The following IL1RAPL2 variants were observed in gnomAD, a reference collection of about 807,000 sequenced individuals.
IL1RAPL2 encodes interleukin 1 receptor accessory protein like 2.
A neutral mutation model predicts 44.1 loss-of-function variants in IL1RAPL2; 3 were observed. The ratio of observed to expected loss-of-function variants is 0.07; its 90% CI spans 0.03 to 0.18. The LOEUF (loss-of-function observed/expected upper bound fraction) is 0.18. Ranked by LOEUF, IL1RAPL2 falls within the 10% of genes least tolerant of loss-of-function variation. The pLI is 1.00. For missense variants in IL1RAPL2, 391 were observed against 496.4 expected (o/e 0.79, Z 2.02); for synonymous variants, 181 against 178.8 (o/e 1.01, Z -0.10).
Position 104,930,264 on chromosome X carries a change from A to C in IL1RAPL2, c.83-265211A>C, listed in dbSNP as rs149429914. Reference sequence around the variant, plus strand: ...CATTGAAGAAAAAATAGTACTGATAATTTTATGGAATTAATTTAATATTTA... The same window carrying C: ...CATTGAAGAAAAAATAGTACTGATACTTTTATGGAATTAATTTAATATTTA... On this transcript the variant is annotated intron_variant, in intron 2 of 10. Transcript: ENST00000372582. 6.3e-3 allele frequency among the ~76,000 whole-genome samples: 706 copies of C among 112,099 alleles called. 3 individuals are homozygous for C. The highest frequency in any genetic ancestry group is 0.022 in the African/African-American group (671 of 30,893).
At chrX:104,657,884 C>T (rs1197790153) in intron 1 of IL1RAPL2, among the ~76,000 whole-genome samples, 2 of 112,194 alleles carry the variant, frequency 1.8e-5, no homozygotes, top group African/African-American at 6.5e-5. Context: ...CATCACTGGT[C>T]ATCAGAGAAA....
chrX:104,646,850 A>G (rs1455474991), intron 1 of IL1RAPL2, among the ~76,000 whole-genome samples: 1 of 111,835 alleles, frequency 8.9e-6, no homozygotes. Context: ...CACTCCATCA[A>G]TCACAATGGG....
At chrX:105,082,660 G>T (rs1032542333) in intron 2 of IL1RAPL2, among the ~76,000 whole-genome samples, 10 of 111,470 alleles carry the variant, frequency 9.0e-5, no homozygotes, top group African/African-American at 3.3e-4. Flanking sequence ...AGGCAAACAG[G>T]GTCTGGAGTG....
intron 2 of IL1RAPL2, among the ~76,000 whole-genome samples, chrX:105,081,974 A>G (rs2032414749): frequency 9.0e-6 from 1 of 111,650 alleles, no homozygotes; most frequent in Admixed American, 9.5e-5. Context: ...TGGCATCAGG[A>G]TGATGCTGGC....
intron 1 of IL1RAPL2, among the ~76,000 whole-genome samples, chrX:104,595,333 G>A (rs1928744033): frequency 9.0e-6 from 1 of 111,390 alleles, no homozygotes; most frequent in Admixed American, 9.6e-5. Context: ...CTGAGATAGG[G>A]TTTATGGCGG....
chrX:104,787,264 G>A (rs1415210244), intron 2 of IL1RAPL2, among the ~76,000 whole-genome samples: 1 of 111,541 alleles, frequency 9.0e-6, no homozygotes, highest in African/African-American at 3.3e-5. Flanking sequence ...AATAGATTGA[G>A]AAGCTGGAGA....
intron 3 of IL1RAPL2, chrX:105,218,912 T>A: frequency 5.5e-6 from 5 of 908,478 alleles, no homozygotes; most frequent in Non-Finnish European, 7.5e-6. Context: ...CCTCTGAAAA[T>A]TAATTCGCCA....
At chrX:105,648,940 C>T (rs1298265510) in intron 6 of IL1RAPL2, among the ~76,000 whole-genome samples, 1 of 111,104 alleles carries the variant, frequency 9.0e-6, no homozygotes, top group Non-Finnish European at 1.9e-5. Flanking sequence ...TACAGTACAC[C>T]TAGTGGTCCC....
intron 4 of IL1RAPL2, among the ~76,000 whole-genome samples, chrX:105,235,024 G>T (rs1479847319): frequency 1.8e-5 from 2 of 110,499 alleles, no homozygotes; most frequent in African/African-American, 6.6e-5. Context: ...GATAGGAAGG[G>T]AGTGGGTAGG....
chrX:105,091,207 C>T (rs1364145999), intron 2 of IL1RAPL2, among the ~76,000 whole-genome samples: 2 of 112,069 alleles, frequency 1.8e-5, no homozygotes, highest in Admixed American at 9.5e-5. Context: ...CTTTCTTCTC[C>T]AACTGGAGTG....
intron 2 of IL1RAPL2, among the ~76,000 whole-genome samples, chrX:104,740,812 T>G (rs1311269841): frequency 5.4e-5 from 6 of 111,480 alleles, no homozygotes; most frequent in Non-Finnish European, 9.4e-5. Flanking sequence ...CCTTTGGAAA[T>G]TGTTAAAGAA....
At chrX:105,570,852 C>T (rs1242091559) in intron 6 of IL1RAPL2, among the ~76,000 whole-genome samples, 1 of 111,506 alleles carries the variant, frequency 9.0e-6, no homozygotes, top group Non-Finnish European at 1.9e-5. Flanking sequence ...GATCACAATG[C>T]CATGCATTTG....
At chrX:104,951,169 G>C (rs192136458) in intron 2 of IL1RAPL2, among the ~76,000 whole-genome samples, 1 of 111,927 alleles carries the variant, frequency 8.9e-6, no homozygotes, top group Non-Finnish European at 1.9e-5. Flanking sequence ...GCTGTAGACC[G>C]GAGCTGTTCC....
intron 5 of IL1RAPL2, among the ~76,000 whole-genome samples, chrX:105,451,657 G>A (rs2036020260): frequency 8.9e-6 from 1 of 111,797 alleles, no homozygotes; most frequent in Admixed American, 9.5e-5. Flanking sequence ...AAACATTCTT[G>A]TTTCCCAGAT....
In IL1RAPL2 at chrX:104,879,184, C is replaced by T. The variant is rs137963796; in HGVS notation, c.82+220189C>T. On this transcript the variant is annotated intron_variant, in intron 2 of 10. Transcript: ENST00000372582. Reference sequence around the variant, plus strand: ...TGTAAATGACTAAATAATTATGTAGCGATCCATTGCTAGTTGAAATTTAGA... The same window carrying T: ...TGTAAATGACTAAATAATTATGTAGTGATCCATTGCTAGTTGAAATTTAGA... Among the ~76,000 whole-genome samples the T allele has an allele frequency of 5.8e-3, 632 of 109,521 alleles. 3 individuals are homozygous for T. The highest frequency in any genetic ancestry group is 0.02 in the African/African-American group (601 of 30,045).
chrX:105,239,968 T>C (rs781994746), intron 4 of IL1RAPL2, among the ~76,000 whole-genome samples: 2 of 112,230 alleles, frequency 1.8e-5, no homozygotes, highest in East Asian at 5.6e-4. Context: ...TTGAATGAAA[T>C]CCCTCTATAA....
At chrX:105,530,589 CAATT>C (rs1289452156) in intron 6 of IL1RAPL2, among the ~76,000 whole-genome samples, 2 of 110,888 alleles carry the variant, frequency 1.8e-5, no homozygotes, top group African/African-American at 3.3e-5. Context: ...GTGTCATAAA[CAATT>C]TATTTACACT....
At chrX:104,650,346 A>T (rs188000737) in intron 1 of IL1RAPL2, among the ~76,000 whole-genome samples, 74 of 111,953 alleles carry the variant, frequency 6.6e-4, no homozygotes, top group Non-Finnish European at 9.0e-4. Context: ...AACAGGAAAA[A>T]GTTATAATGT....
At chrX:105,372,089 A>G (rs149658745) in intron 5 of IL1RAPL2, among the ~76,000 whole-genome samples, 1,238 of 111,443 alleles carry the variant, frequency 0.011, 13 homozygotes, top group Non-Finnish European at 0.018. Flanking sequence ...CTCTAACAAC[A>G]GAAGACTTAT....
Sources: allele counts gnomAD v4.1 joint callset (sites outside exome capture counted in the v4.1 genomes callset), GRCh38; gene constraint gnomAD v4.1.1; transcripts MANE v1.5; gene names NCBI Gene and HGNC (gene_info 2026-07-23, HGNC 2026-07-21).